Variants in FDFT1 observed in about 807,000 individuals in gnomAD.
FDFT1 encodes the protein squalene synthase.
A neutral mutation model predicts 46.8 loss-of-function variants in FDFT1; 68 were observed. The ratio of observed to expected loss-of-function variants is 1.45; its 90% CI spans 1.19 to 1.78. The LOEUF is 1.78. Ranked by LOEUF, FDFT1 falls within the 40% of genes most tolerant of loss-of-function variation. The pLI is 0.00. For synonymous variants in FDFT1, 351 were observed against 185.1 expected (o/e 1.90, Z -7.28); for missense variants, 928 against 524.4 (o/e 1.77, Z -7.52).
chr8:11,832,231 T>A (rs566209099), intron 7 of FDFT1, among the ~76,000 whole-genome samples: 2 of 149,262 alleles, frequency 1.3e-5, no homozygotes, highest in Admixed American at 1.3e-4. Flanking sequence ...CCTTCTTAGG[T>A]CAAATCTCTA....
intron 3 of FDFT1, among the ~76,000 whole-genome samples, chr8:11,818,866 AT>A (rs1003660001): frequency 6.6e-6 from 1 of 152,228 alleles, no homozygotes; most frequent in Admixed American, 6.5e-5. Flanking sequence ...TAAGGTTAAT[AT>A]TGTTATGTTT....
At chr8:11,831,841 G>T (rs371534219) in intron 7 of FDFT1, 171 bp downstream of exon 7, 5 of 616,146 alleles carry the variant, frequency 8.1e-6, no homozygotes, top group East Asian at 5.6e-5. Context: ...CACAGGAGCC[G>T]AGCAGATTGC....
chr8:11,808,766 C>T (rs775125227), intron 1 of FDFT1, 28 bp from the exon 2 acceptor site: 10 of 1,610,944 alleles, frequency 6.2e-6, no homozygotes, highest in South Asian at 1.1e-5. Flanking sequence ...CGACGTCTCC[C>T]ACCGCCGTGT....
chr8:11,804,003 C>T (rs1331897467), intron 1 of FDFT1, among the ~76,000 whole-genome samples: 1 of 152,184 alleles, frequency 6.6e-6, no homozygotes, highest in African/African-American at 2.4e-5. Flanking sequence ...TGGCAGATGT[C>T]ACTTTTTATA....
At chr8:11,812,974 G>A (rs1046192294) in intron 3 of FDFT1, among the ~76,000 whole-genome samples, 1 of 152,210 alleles carries the variant, frequency 6.6e-6, no homozygotes, top group African/African-American at 2.4e-5. Flanking sequence ...ATCATAGAGT[G>A]TACTTACACA....
intron 3 of FDFT1, among the ~76,000 whole-genome samples, chr8:11,816,811 G>C (rs925202125): frequency 6.6e-6 from 1 of 152,156 alleles, no homozygotes; most frequent in Non-Finnish European, 1.5e-5. Flanking sequence ...CATGTCATTT[G>C]CAAACAGGCA....
chr8:11,808,623 C>G (rs904160848), intron 1 of FDFT1, 171 bp from the exon 2 acceptor site: 1 of 1,390,622 alleles, frequency 7.2e-7, no homozygotes, highest in Non-Finnish European at 9.3e-7. Flanking sequence ...CACCGCCCCG[C>G]GGGGCTGCTG....
At chr8:11,809,141 A>C in intron 2 of FDFT1, 1 of 1,304,466 alleles carries the variant, frequency 7.7e-7, no homozygotes, top group Non-Finnish European at 9.8e-7. Context: ...AACTTTTTTT[A>C]GTCTTGGCAG....
At chr8:11,812,366 G>A (rs993161909) in intron 3 of FDFT1, among the ~76,000 whole-genome samples, 4 of 152,216 alleles carry the variant, frequency 2.6e-5, no homozygotes, top group African/African-American at 9.6e-5. Context: ...GCCAAGGGCT[G>A]TGTTGGGGAG....
intron 2 of FDFT1, 76 bp downstream of exon 2, chr8:11,808,967 T>G: frequency 6.4e-7 from 1 of 1,557,270 alleles, no homozygotes; most frequent in East Asian, 2.4e-5. Context: ...AAGCTACCTT[T>G]TGATATAGCG....
intron 5 of FDFT1, among the ~76,000 whole-genome samples, chr8:11,826,715 T>C (rs1810044919): frequency 6.6e-6 from 1 of 152,204 alleles, no homozygotes; most frequent in South Asian, 2.1e-4. Flanking sequence ...CCTGGGAGGC[T>C]GAGGCAGGAG....
chr8:11,798,656 A>G (rs1337527041), upstream of FDFT1, among the ~76,000 whole-genome samples: 1 of 152,170 alleles, frequency 6.6e-6, no homozygotes, highest in Admixed American at 6.5e-5. Context: ...GAGAGATTTA[A>G]AGAATGGGCA....
intron 7 of FDFT1, among the ~76,000 whole-genome samples, chr8:11,834,993 G>A (rs1415613396): frequency 6.6e-6 from 1 of 152,112 alleles, no homozygotes; most frequent in Non-Finnish European, 1.5e-5. Context: ...GTGTGGTGGT[G>A]CACACTTGTC....
At chr8:11,817,697 G>A (rs1808651611) in intron 3 of FDFT1, among the ~76,000 whole-genome samples, 1 of 152,086 alleles carries the variant, frequency 6.6e-6, no homozygotes, top group African/African-American at 2.4e-5. Context: ...TATTTCTGTG[G>A]GATTGGTGGT....
At position 11,806,159 on chromosome 8, in the gene FDFT1, C is replaced by T. The variant is rs529249899; in HGVS notation, c.100-2635C>T. Among the ~76,000 whole-genome samples, 26 of 152,206 alleles carry T rather than the reference C, an allele frequency of 1.7e-4. No individual in the cohort carries two copies. In the East Asian group the frequency reaches 4.3e-3, roughly 25 times the overall value. On this transcript the variant is annotated intron_variant, in intron 1 of 7. Coordinates refer to ENST00000220584, the MANE Select transcript of FDFT1 (RefSeq NM_004462.5). The stretch of plus-strand genomic sequence containing the variant: ...CCCCTTCCTGGGAGTCTGGTCTTGT[C>T]GTCTTCCTGACCACCCCCACACCCT...
upstream of FDFT1, chr8:11,802,391 T>A (rs1204661465): frequency 4.4e-6 from 2 of 456,232 alleles, no homozygotes. Flanking sequence ...ACCGTTGGGC[T>A]CCTGCGCATC....
intron 1 of FDFT1, among the ~76,000 whole-genome samples, chr8:11,804,479 T>C (rs893653400): frequency 6.6e-6 from 1 of 152,130 alleles, no homozygotes; most frequent in Non-Finnish European, 1.5e-5. Context: ...TTATGTTAGT[T>C]GTAGTCTTTC....
chr8:11,835,616 A>G (rs1179675102), intron 7 of FDFT1, among the ~76,000 whole-genome samples: 3 of 152,182 alleles, frequency 2.0e-5, no homozygotes, highest in Non-Finnish European at 2.9e-5. Flanking sequence ...GATTCCAAAT[A>G]AGTAAATCTT....
At chr8:11,802,043 A>G (rs1806175589), upstream of FDFT1, 1 of 455,920 alleles carries the variant, frequency 2.2e-6, no homozygotes, top group South Asian at 1.5e-5. Flanking sequence ...AAGTTTCCAC[A>G]TTCCTGTTAC....
Sources: allele counts gnomAD v4.1 joint callset (sites outside exome capture counted in the v4.1 genomes callset), GRCh38; gene constraint gnomAD v4.1.1; transcripts MANE v1.5; gene names NCBI Gene and HGNC (gene_info 2026-07-23, HGNC 2026-07-21).